The following KANK3 variants were observed in gnomAD, a reference collection of about 807,000 sequenced individuals.
KANK3 encodes the protein KN motif and ankyrin repeat domains 3.
In KANK3, 61 loss-of-function variants were observed where a neutral mutation model predicts 65.4. That is an observed-to-expected ratio of 0.93 (90% CI 0.76 to 1.15). The LOEUF (loss-of-function observed/expected upper bound fraction) is 1.15. Among genes scored for constraint, KANK3 ranks in the 50% most tolerant of loss-of-function variants. The pLI is 0.00. For synonymous variants in KANK3, 586 were observed against 543.3 expected, an observed-to-expected ratio of 1.08 and a Z score of -1.09; for missense variants, 1,187 against 1,178.8, an observed-to-expected ratio of 1.01 and a Z score of -0.10.
At chr19:8,335,935 G>T in intron 2 of KANK3, 143 bp from the exon 3 acceptor site, 1 of 554,202 alleles carries the variant, frequency 1.8e-6, no homozygotes, top group Non-Finnish European at 2.7e-6. Context: ...CTTGTTTAAT[G>T]AGCACCTACT....
intron 2 of KANK3, among the ~76,000 whole-genome samples, chr19:8,336,575 A>AAT (rs999589088): frequency 2.6e-5 from 3 of 116,532 alleles, no homozygotes; most frequent in Non-Finnish European, 5.3e-5. Flanking sequence ...CATCTCCAAA[A>AAT]ATATATATAT....
Position 8,333,969 on chromosome 19 carries a change from C to A in KANK3, c.1575G>T (p.Gly525=), listed in dbSNP as rs1287278149. The A allele has an allele frequency of 2.5e-6, 4 of 1,569,732 alleles. No homozygotes were observed. The African/African-American group carries it at 5.4e-5, about 21-fold the overall frequency. ...DSGTPGPPSG[G]DIRDPEPEAE... is the part of the protein sequence containing the mutation. ...CCTCGGGCTCAGGGTCCCGGATGTC[C>A]CCGCCGCTGGGAGGGCCAGGGGTGC... Residue 525 remains glycine, a synonymous_variant, in exon 5 of 11, where the codon GGG becomes GGT. Transcript: ENST00000330915. This position sits in a 1 kb window ranked among gnomAD's most constrained non-coding sequence, Gnocchi z 5.0.
chr19:8,326,808 A>AAC (rs1555787030), intron 7 of KANK3, among the ~76,000 whole-genome samples: 22 of 149,440 alleles, frequency 1.5e-4, no homozygotes, highest in Middle Eastern at 3.6e-3. Context: ...CAGAAAAAAA[A>AAC]AAAAAAACCT....
Position 8,333,108 on chromosome 19 carries a change from G to A in KANK3, c.1842C>T (p.His614=). The A allele has an allele frequency of 6.2e-7, 1 of 1,611,732 alleles. No individual in the cohort carries two copies. Among genetic ancestry groups the A allele is most frequent in the Non-Finnish European group, 8.5e-7 (1 of 1,179,418 alleles). Residue 614 remains histidine (H), a synonymous_variant, in exon 7 of 11, where the codon CAC becomes CAT. Coordinates refer to ENST00000330915, the MANE Select transcript of KANK3 (RefSeq NM_198471.3). This position sits in a 1 kb window ranked among gnomAD's most constrained non-coding sequence, Gnocchi z 5.0. ...VRRLGPELLA[H]VVNLADGNGN... ...CGTTGCCATCCGCCAGGTTCACCAC[G>A]TGCGCCAGCAGTTCGGGTCCCAGGC...
chr19:8,329,139 C>A (rs1336340296), intron 7 of KANK3, among the ~76,000 whole-genome samples: 1 of 146,356 alleles, frequency 6.8e-6, no homozygotes, highest in Non-Finnish European at 1.5e-5. Context: ...CCACTGCACT[C>A]CAGCCTGGGT....
chr19:8,323,106 G>C, intron 10 of KANK3, 184 bp from the exon 11 acceptor site: 1 of 477,590 alleles, frequency 2.1e-6, no homozygotes, highest in South Asian at 3.3e-5. Flanking sequence ...ATCCCTTCCA[G>C]TGGGGTGAGT....
intron 1 of KANK3, 105 bp from the exon 2 acceptor site, chr19:8,337,961 C>T: frequency 2.0e-6 from 3 of 1,527,612 alleles, no homozygotes; most frequent in Admixed American, 2.0e-5. Context: ...CTCCTCCACC[C>T]AGCCACCTCC....
chr19:8,342,020 C>G lies in KANK3; in HGVS notation c.-29+1205G>C, dbSNP rs563543760. ...CTTTCTTTTATTTTTATTTTTGAGA[C>G]GGAGTCTCTGTCACCCAGGCTGGAG... On this transcript the variant is annotated intron_variant, in intron 1 of 10. Coordinates refer to ENST00000330915, the MANE Select transcript of KANK3 (RefSeq NM_198471.3). Among the ~76,000 whole-genome samples, 7 of 151,904 alleles carry G rather than the reference C, an allele frequency of 4.6e-5. No homozygotes were observed. In the East Asian group the frequency reaches 1.4e-3, roughly 30 times the overall value.
At chr19:8,342,903 G>C (rs1056330424) in intron 1 of KANK3, among the ~76,000 whole-genome samples, 1 of 152,094 alleles carries the variant, frequency 6.6e-6, no homozygotes, top group Non-Finnish European at 1.5e-5. Flanking sequence ...AGCGCGAGGG[G>C]CTGGCTGGGG....
rs753637463 is a variant in KANK3 at position 8,334,369 on chromosome 19, G to GT, written c.1377dup (p.Pro460ThrfsTer43). On this transcript the variant is annotated frameshift_variant, in exon 4 of 11. Transcript: ENST00000330915. LOFTEE classifies it high-confidence loss of function. ...TGCAGGCTCTTGGGTCCGGAGCTGG[G>GT]TTGGGCACCAGGTGTGCCGTCTCTC... is the stretch of plus-strand genomic sequence containing the variant. The GT allele has an allele frequency of 1.2e-6, 2 of 1,614,140 alleles. No individual in the cohort carries two copies. Among genetic ancestry groups the GT allele is most frequent in the Non-Finnish European group, 1.7e-6 (2 of 1,180,018 alleles).
intron 7 of KANK3, among the ~76,000 whole-genome samples, chr19:8,331,505 A>C (rs1379981986): frequency 6.6e-6 from 1 of 152,112 alleles, no homozygotes; most frequent in African/African-American, 2.4e-5. Context: ...TGCAGTTAGT[A>C]CCAGAGGTGC....
rs1249298955 is a variant in KANK3 at position 8,334,085 on chromosome 19, C to A, written c.1459G>T (p.Asp487Tyr). ...CCGTTCTCGCTGTCGCCATCGCTGT[C>A]GCTGGCGTCCTCGCTGGAGGAGCTC... ...YESSSSEDAS[D>Y]SDGDSENGGA... Residue 487 changes from aspartate (D) to tyrosine (Y), a missense_variant, in exon 5 of 11, where the codon GAC (aspartate) becomes TAC (tyrosine). Transcript: ENST00000330915. 2.6e-6 allele frequency: 4 copies of A among 1,524,910 alleles called. No individual in the cohort carries two copies. The African/African-American group carries it at 5.5e-5, about 21-fold the overall frequency. 94.5% of individuals were successfully genotyped at this position (1,524,910 alleles called of 1,614,324 possible).
intron 7 of KANK3, among the ~76,000 whole-genome samples, chr19:8,330,728 C>CA (rs74176639): frequency 0.58 from 83,602 of 145,216 alleles, 24,023 homozygotes; most frequent in African/African-American, 0.67. Flanking sequence ...AACTCCATCT[C>CA]AAAAAAAAAA....
chr19:8,337,888 T>C, intron 1 of KANK3, 32 bp from the exon 2 acceptor site: 10 of 1,611,282 alleles, frequency 6.2e-6, no homozygotes, highest in Non-Finnish European at 7.6e-6. Flanking sequence ...GGCTGGGCGC[T>C]GTCCCTCTGG....
At chr19:8,323,874 G>T (rs1028293847) in intron 10 of KANK3, among the ~76,000 whole-genome samples, 1 of 152,186 alleles carries the variant, frequency 6.6e-6, no homozygotes, top group Non-Finnish European at 1.5e-5. Flanking sequence ...TGGTGTTGGG[G>T]GTTAATGTGT....
rs1444935005 is a variant in KANK3 at position 8,333,065 on chromosome 19, A to G, written c.1885T>C (p.Tyr629His). ...ADGNGNTALH[Y>H]SVSHGNLAIA... Reference sequence around the variant, plus strand: ...GCCAGGTTCCCGTGGGACACACTGTAGTGCAGGGCCGTGTTCCCGTTGCCA... The same window carrying G: ...GCCAGGTTCCCGTGGGACACACTGTGGTGCAGGGCCGTGTTCCCGTTGCCA... Residue 629 changes from tyrosine (Y) to histidine (H), a missense_variant, in exon 7 of 11, where the codon TAC becomes CAC. Transcript: ENST00000330915. This position sits in a 1 kb window ranked among gnomAD's most constrained non-coding sequence, Gnocchi z 5.0. 6.4e-7 allele frequency: 1 copy of G among 1,553,760 alleles called. No homozygotes were observed. Among genetic ancestry groups the G allele is most frequent in the Non-Finnish European group, 8.7e-7 (1 of 1,148,282 alleles).
Position 8,335,582 on chromosome 19 carries a change from C to G in KANK3, c.245G>C (p.Gly82Ala), listed in dbSNP as rs868791213. The G allele has an allele frequency of 3.3e-6, 4 of 1,221,426 alleles. No homozygotes were observed. 75.7% of individuals were successfully genotyped at this position (1,221,426 alleles called of 1,614,324 possible). A position where few individuals can be genotyped will look rare whatever the true frequency, so the allele number is the denominator to read the frequency against. ...RPRAPRPGLA[G>A]ARSPGAWTSS... ...TGTCCAGGCGCCTGGGCTACGTGCGCCCGCGAGGCCGGGCCGGGGCGCGCG... is the reference window on the plus strand; with the variant it reads ...TGTCCAGGCGCCTGGGCTACGTGCGGCCGCGAGGCCGGGCCGGGGCGCGCG... The change falls in exon 3 of 11, where the codon GGC becomes GCC. Residue 82 changes from glycine (G) to alanine (A), a missense_variant. Transcript: ENST00000330915.
intron 7 of KANK3, among the ~76,000 whole-genome samples, chr19:8,325,304 T>G (rs1266328831): frequency 1.5e-5 from 2 of 133,450 alleles, no homozygotes; most frequent in East Asian, 4.1e-4. Flanking sequence ...ATCTTTTTTT[T>G]TTTTTTTTTT....
chr19:8,332,204 GCCTCACT>G (rs901971425), intron 7 of KANK3, among the ~76,000 whole-genome samples: 17 of 151,686 alleles, frequency 1.1e-4, no homozygotes, highest in African/African-American at 4.1e-4. Context: ...CTGAGACTGA[GCCTCACT>G]CTGTCGCCCA....
Sources: gnomAD v4.1 joint callset for allele counts (sites outside exome capture counted in the v4.1 genomes callset) on GRCh38, gnomAD v4.1.1 for gene constraint, Gnocchi (gnomAD v3.1) non-coding constraint, MANE v1.5 for transcripts, NCBI Gene and HGNC (gene_info 2026-07-23, HGNC 2026-07-21) for gene names.